The following CRACD variants were observed in gnomAD, a reference collection of about 807,000 sequenced individuals.
CRACD encodes capping protein inhibiting regulator of actin dynamics.
CRACD carries 56 observed loss-of-function variants against 106.8 expected under a neutral mutation model. That is an observed-to-expected ratio of 0.52 (90% CI 0.42 to 0.66). The LOEUF (loss-of-function observed/expected upper bound fraction) is 0.66. Among genes scored for constraint, CRACD ranks in the 30% least tolerant of loss-of-function variants. The pLI is 0.00. For missense variants in CRACD, 1,730 were observed against 1,623.2 expected, an observed-to-expected ratio of 1.07 and a Z score of -1.13; for synonymous variants, 754 against 670.8, an observed-to-expected ratio of 1.12 and a Z score of -1.92.
At chr4:56,117,303 G>A (rs992377184) in intron 1 of CRACD, among the ~76,000 whole-genome samples, 1 of 152,126 alleles carries the variant, frequency 6.6e-6, no homozygotes, top group Non-Finnish European at 1.5e-5. Flanking sequence ...TTACAGGCTT[G>A]AGCCTCCGTG....
intron 1 of CRACD, among the ~76,000 whole-genome samples, chr4:56,058,710 T>A (rs1425622459): frequency 6.6e-6 from 1 of 152,234 alleles, no homozygotes; most frequent in Non-Finnish European, 1.5e-5. Context: ...TATTTCCTAA[T>A]CAACATAGGC....
At chr4:56,162,220 G>A (rs750137152) in intron 1 of CRACD, among the ~76,000 whole-genome samples, 1 of 150,454 alleles carries the variant, frequency 6.6e-6, no homozygotes, top group African/African-American at 2.4e-5. Flanking sequence ...TTAGAAACAG[G>A]GTCTCACTTT....
chr4:56,276,063 T>C (rs1742654818), intron 3 of CRACD, among the ~76,000 whole-genome samples: 1 of 152,220 alleles, frequency 6.6e-6, no homozygotes, highest in South Asian at 2.1e-4. Context: ...TCCTTTGGGT[T>C]TTTAAAGCAT....
intron 1 of CRACD, among the ~76,000 whole-genome samples, chr4:56,168,997 CA>C (rs749250237): frequency 1.4e-4 from 22 of 152,232 alleles, no homozygotes; most frequent in Non-Finnish European, 1.6e-4. Context: ...TTAAACAAGT[CA>C]AATTATTTAA....
intron 2 of CRACD, among the ~76,000 whole-genome samples, chr4:56,188,631 C>CTCTCTCTCTCTCTCTCTCTCTA (rs1737192016): frequency 1.4e-5 from 2 of 146,312 alleles, no homozygotes; most frequent in Non-Finnish European, 3.0e-5. Flanking sequence ...GCCTCTCTCT[C>CTCTCTCTCTCTCTCTCTCTCTA]TCTCTCTCTC....
chr4:56,091,152 A>C (rs1577956703), intron 1 of CRACD, among the ~76,000 whole-genome samples: 2 of 152,196 alleles, frequency 1.3e-5, no homozygotes, highest in East Asian at 3.9e-4. Flanking sequence ...TCCTGGGCTC[A>C]AGCAATCTTT....
chr4:56,286,613 G>A (rs1213668358), intron 3 of CRACD, among the ~76,000 whole-genome samples: 3 of 150,768 alleles, frequency 2.0e-5, no homozygotes, highest in South Asian at 2.1e-4. Flanking sequence ...ATTTACAGAT[G>A]TCAATTATAT....
rs1461423876 is a variant in CRACD, at chr4:56,104,570, C to T, written c.-336+55271C>T. Among the ~76,000 whole-genome samples, 4 of 152,164 alleles carry T rather than the reference C, an allele frequency of 2.6e-5. No homozygotes were observed. The East Asian group carries it at 7.7e-4, about 29-fold the overall frequency. On this transcript the variant is annotated intron_variant, in intron 1 of 10. Coordinates refer to ENST00000682029, the MANE Select transcript of CRACD (RefSeq NM_001393381.1). ...GGCAGGGAGTTCAGAACTTCGAGGT[C>T]TTCACTTTGCTTACCACCTTGGGAA...
At chr4:56,280,943 G>A (rs1218563804) in intron 3 of CRACD, among the ~76,000 whole-genome samples, 1 of 152,200 alleles carries the variant, frequency 6.6e-6, no homozygotes, top group Non-Finnish European at 1.5e-5. Flanking sequence ...TTAGGAAGCT[G>A]GGATGTGCTG....
intron 8 of CRACD, among the ~76,000 whole-genome samples, chr4:56,319,471 A>T (rs1745909497): frequency 6.6e-6 from 1 of 151,776 alleles, no homozygotes; most frequent in Non-Finnish European, 1.5e-5. Context: ...GCTGGGCATG[A>T]TACACACCTG....
intron 10 of CRACD, among the ~76,000 whole-genome samples, chr4:56,325,189 G>T (rs1746354199): frequency 6.6e-6 from 1 of 152,192 alleles, no homozygotes; most frequent in African/African-American, 2.4e-5. Flanking sequence ...ACAAAAATTA[G>T]CCAGGTGTGG....
intron 1 of CRACD, among the ~76,000 whole-genome samples, chr4:56,175,469 G>GT (rs1360311747): frequency 2.6e-5 from 4 of 151,908 alleles, no homozygotes; most frequent in South Asian, 2.1e-4. Context: ...TTTTAATTCA[G>GT]TTTTTTTAGC....
intron 1 of CRACD, among the ~76,000 whole-genome samples, chr4:56,134,262 A>T (rs1734926387): frequency 6.6e-6 from 1 of 152,054 alleles, no homozygotes; most frequent in African/African-American, 2.4e-5. Flanking sequence ...CAAATAAAGG[A>T]AGGAAAAGCA....
intron 3 of CRACD, among the ~76,000 whole-genome samples, chr4:56,289,920 C>T (rs1326034020): frequency 1.3e-5 from 2 of 152,198 alleles, no homozygotes; most frequent in African/African-American, 2.4e-5. Flanking sequence ...GAGTCTCTCT[C>T]TTCACTTTGC....
intron 2 of CRACD, among the ~76,000 whole-genome samples, chr4:56,249,696 C>CCTAT (rs1455819542): frequency 1.1e-4 from 16 of 152,146 alleles, no homozygotes; most frequent in East Asian, 1.9e-4. Context: ...CCTCCCTGAG[C>CCTAT]CTATCTATTA....
rs754373199 is a variant in CRACD at position 56,323,460 on chromosome 4, A to G, written c.3271A>G (p.Thr1091Ala). 6.2e-7 allele frequency: 1 copy of G among 1,611,746 alleles called. No individual in the cohort carries two copies. Among genetic ancestry groups the G allele is most frequent in the Non-Finnish European group, 8.5e-7 (1 of 1,179,370 alleles). The change falls in exon 9 of 11, where the codon ACG becomes GCG. Residue 1091 changes from threonine (T) to alanine (A), a missense_variant. This residue lies in a region of CRACD where 1,620 missense variants were observed against 1,481.6 expected (regional missense o/e 1.09). Transcript: ENST00000682029. Reference sequence around the variant, plus strand: ...GGAAACTGCTCAGCCGCTGTGGATAACGTTAGCACTGCAAAAGCAAAAGGG... The same window carrying G: ...GGAAACTGCTCAGCCGCTGTGGATAGCGTTAGCACTGCAAAAGCAAAAGGG... ...KVETAQPLWI[T>A]LALQKQKGFR...
chr4:56,273,527 T>TG (rs1395388262), intron 3 of CRACD, among the ~76,000 whole-genome samples: 1 of 152,094 alleles, frequency 6.6e-6, no homozygotes, highest in East Asian at 1.9e-4. Flanking sequence ...AAGTACTTTC[T>TG]TACCTGAGTG....
chr4:56,183,260 TA>T (rs869120084), intron 2 of CRACD, among the ~76,000 whole-genome samples: 1 of 141,102 alleles, frequency 7.1e-6, no homozygotes, highest in Non-Finnish European at 1.6e-5. Flanking sequence ...TAAAATAAAA[TA>T]AAATAAAATA....
At chr4:56,323,925 T>C (rs1746266456) in intron 9 of CRACD, among the ~76,000 whole-genome samples, 179 bp from the exon 10 acceptor site, 1 of 152,264 alleles carries the variant, frequency 6.6e-6, no homozygotes, top group Admixed American at 6.5e-5. Context: ...ACACTGGCTC[T>C]GAGCTGCCCC....
Sources: allele counts gnomAD v4.1 joint callset (sites outside exome capture counted in the v4.1 genomes callset), GRCh38; gene constraint gnomAD v4.1.1; regional missense constraint gnomAD v4.1.1; transcripts MANE v1.5; gene names NCBI Gene and HGNC (gene_info 2026-07-23, HGNC 2026-07-21).